FBXL7: variants seen among roughly 807,000 people sequenced by gnomAD.
The protein encoded by FBXL7 is F-box/LRR-repeat protein 7.
In FBXL7, 12 loss-of-function variants were observed where a neutral mutation model predicts 38.3. That is an observed-to-expected ratio of 0.31 (90% confidence interval 0.20 to 0.51). The LOEUF is 0.51. Ranked by LOEUF, FBXL7 falls within the 20% of genes least tolerant of loss-of-function variation. The pLI, the probability that FBXL7 is intolerant of heterozygous loss-of-function variation, is 0.98. For missense variants in FBXL7, 567 were observed against 676.4 expected (o/e 0.84, Z 1.79); for synonymous variants, 297 against 300.9 (o/e 0.99, Z 0.13).
chr5:15,853,416 C>T (rs900248418), intron 2 of FBXL7, among the ~76,000 whole-genome samples: 6 of 152,040 alleles, frequency 3.9e-5, no homozygotes, highest in East Asian at 1.9e-4. Context: ...GAGCCTACCA[C>T]GGAGAAGGCA....
chr5:15,652,038 C>T (rs1741725886), intron 2 of FBXL7, among the ~76,000 whole-genome samples: 2 of 152,188 alleles, frequency 1.3e-5, no homozygotes, highest in African/African-American at 4.8e-5. Flanking sequence ...ATGATCCAAC[C>T]TCCCTTAGCT....
intron 2 of FBXL7, among the ~76,000 whole-genome samples, chr5:15,808,048 A>T (rs1299406779): frequency 2.0e-5 from 3 of 152,270 alleles, no homozygotes; most frequent in African/African-American, 7.2e-5. Flanking sequence ...CAGTTGAGAC[A>T]ACACTGCCTT....
At chr5:15,841,962 A>ATACATAT (rs2126784441) in intron 2 of FBXL7, among the ~76,000 whole-genome samples, 1 of 152,376 alleles carries the variant, frequency 6.6e-6, no homozygotes, top group Non-Finnish European at 1.5e-5. Flanking sequence ...AACCTCTGCT[A>ATACATAT]GGGCAGTGCA....
intron 1 of FBXL7, among the ~76,000 whole-genome samples, chr5:15,518,345 A>G (rs1737003126): frequency 6.6e-6 from 1 of 151,994 alleles, no homozygotes; most frequent in East Asian, 1.9e-4. Flanking sequence ...TGAAGGTACC[A>G]TTTTCCTTTC....
At chr5:15,786,726 C>T (rs1042251973) in intron 2 of FBXL7, among the ~76,000 whole-genome samples, 5 of 152,172 alleles carry the variant, frequency 3.3e-5, no homozygotes, top group African/African-American at 1.2e-4. Context: ...AAATTAATTA[C>T]TTAGTATGTA....
chr5:15,641,969 G>C (rs1234936837), intron 2 of FBXL7, among the ~76,000 whole-genome samples: 1 of 151,704 alleles, frequency 6.6e-6, no homozygotes, highest in African/African-American at 2.4e-5. Flanking sequence ...GTGTGTGTGT[G>C]TGTGTGTGTG....
At chr5:15,833,194 A>G (rs58117745) in intron 2 of FBXL7, among the ~76,000 whole-genome samples, 5,126 of 152,200 alleles carry the variant, frequency 0.034, 311 homozygotes, top group African/African-American at 0.12. Flanking sequence ...AACAACAGAA[A>G]TCTACTTCTT....
intron 1 of FBXL7, among the ~76,000 whole-genome samples, chr5:15,553,664 C>T (rs1179957107): frequency 1.3e-5 from 2 of 152,098 alleles, no homozygotes; most frequent in African/African-American, 4.8e-5. Context: ...TCACTTAACA[C>T]TCAGGTTTCT....
chr5:15,792,510 G>A lies in FBXL7; in HGVS notation c.128-135380G>A, dbSNP rs1305534991. Among the ~76,000 whole-genome samples, 5 of 152,266 alleles carry A rather than the reference G, an allele frequency of 3.3e-5. No homozygotes were observed. In the South Asian group the frequency reaches 1.0e-3, roughly 32 times the overall value. The stretch of plus-strand genomic sequence containing the variant: ...TTGTATTAATTCATGTGGGGTGAGG[G>A]AAGGCAGTATTTTCATTCCCCGGGA... On this transcript the variant is annotated intron_variant, in intron 2 of 3. Coordinates refer to ENST00000504595, the MANE Select transcript of FBXL7 (RefSeq NM_012304.5).
chr5:15,612,485 G>T (rs1003444009), intron 1 of FBXL7, among the ~76,000 whole-genome samples: 2 of 152,180 alleles, frequency 1.3e-5, no homozygotes, highest in Middle Eastern at 3.4e-3. Flanking sequence ...CAGCACACAT[G>T]TCCTCACGTG....
At chr5:15,870,960 C>G (rs958260654) in intron 2 of FBXL7, among the ~76,000 whole-genome samples, 1 of 152,236 alleles carries the variant, frequency 6.6e-6, no homozygotes. Context: ...TCAAGCTCTG[C>G]TAAGGGACAG....
At chr5:15,597,841 C>T (rs1013005980) in intron 1 of FBXL7, among the ~76,000 whole-genome samples, 72 of 152,306 alleles carry the variant, frequency 4.7e-4, no homozygotes, top group African/African-American at 1.5e-3. Flanking sequence ...ACAGCTATCC[C>T]TGGACTATTT....
chr5:15,688,866 A>G (rs923650990), intron 2 of FBXL7, among the ~76,000 whole-genome samples: 5 of 152,198 alleles, frequency 3.3e-5, no homozygotes, highest in Admixed American at 6.5e-5. Flanking sequence ...TTGTTTAATG[A>G]TGTACTAATA....
intron 1 of FBXL7, among the ~76,000 whole-genome samples, chr5:15,544,700 T>G (rs1737852989): frequency 6.6e-6 from 1 of 152,086 alleles, no homozygotes; most frequent in Admixed American, 6.6e-5. Context: ...AGTTTGCTTG[T>G]GAGTAGGGAG....
chr5:15,899,039 A>T (rs374976307), intron 2 of FBXL7, among the ~76,000 whole-genome samples: 2 of 152,268 alleles, frequency 1.3e-5, no homozygotes, highest in African/African-American at 4.8e-5. Context: ...ATATATTTAT[A>T]CACACATTCT....
chr5:15,713,436 TC>T, intron 2 of FBXL7, among the ~76,000 whole-genome samples: 2 of 152,276 alleles, frequency 1.3e-5, no homozygotes, highest in Middle Eastern at 3.4e-3. Context: ...CTTATGCTTC[TC>T]CTTTGACCCC....
At position 15,673,274 on chromosome 5, in the gene FBXL7, C is replaced by T. The variant is rs946174727; in HGVS notation, c.127+57202C>T. ...GAGGTTGCAGTGAGCCGAGATCACA[C>T]TACTACACTCCAGCCTGGGTGACAA... On this transcript the variant is annotated intron_variant, in intron 2 of 3. Coordinates refer to ENST00000504595, the MANE Select transcript of FBXL7 (RefSeq NM_012304.5). 4.6e-5 allele frequency among the ~76,000 whole-genome samples: 7 copies of T among 151,902 alleles called. No homozygotes were observed. In the East Asian group the frequency reaches 1.2e-3, roughly 25 times the overall value.
At chr5:15,832,283 G>A (rs530487335) in intron 2 of FBXL7, among the ~76,000 whole-genome samples, 6 of 152,254 alleles carry the variant, frequency 3.9e-5, no homozygotes, top group Middle Eastern at 6.8e-3. Context: ...TAATCTTTGC[G>A]AATAGCAGCC....
At chr5:15,676,043 C>G (rs1346400839) in intron 2 of FBXL7, among the ~76,000 whole-genome samples, 1 of 152,160 alleles carries the variant, frequency 6.6e-6, no homozygotes, top group Non-Finnish European at 1.5e-5. Flanking sequence ...TTGATAACCT[C>G]TAAATTACAT....
Sources: allele counts gnomAD v4.1 joint callset (sites outside exome capture counted in the v4.1 genomes callset), GRCh38; gene constraint gnomAD v4.1.1; transcripts MANE v1.5; gene names NCBI Gene and HGNC (gene_info 2026-07-23, HGNC 2026-07-21).